UNC45A: variants seen among roughly 807,000 people sequenced by gnomAD.
The protein encoded by UNC45A is unc-45 myosin chaperone A, also known as protein unc-45 homolog A.
A neutral mutation model predicts 103.2 loss-of-function variants in UNC45A; 78 were observed. That is an observed-to-expected ratio of 0.76 (90% confidence interval 0.63 to 0.91). UNC45A has a LOEUF of 0.91. Ranked by LOEUF, UNC45A falls within the 40% of genes least tolerant of loss-of-function variation. UNC45A has a pLI of 0.00. For missense variants in UNC45A, 1,193 were observed against 1,224.8 expected (o/e 0.97, Z 0.39); for synonymous variants, 495 against 504.6 (o/e 0.98, Z 0.25).
chr15:90,942,828 T>G, intron 7 of UNC45A, 84 bp from the exon 8 acceptor site: 1 of 1,529,334 alleles, frequency 6.5e-7, no homozygotes. Flanking sequence ...CTTCCCTGTG[T>G]CTCCCTGGTT....
chr15:90,948,148 G>T lies in UNC45A; in HGVS notation c.1602G>T (p.Leu534=), dbSNP rs141839685. The change falls in exon 12 of 20, where the codon CTG becomes CTT. Residue 534 remains leucine (L), a synonymous_variant. Coordinates refer to ENST00000418476, the MANE Select transcript of UNC45A (RefSeq NM_018671.5). ...LKLAKQCRKW[L]CNDQIDAGTR... ...CTATCCTGCGTGTCCCCAGGTGGCT[G>T]TGCAATGACCAGATCGACGCAGGCA... is the stretch of plus-strand genomic sequence containing the variant. 28 of 1,614,066 alleles carry T rather than the reference G, an allele frequency of 1.7e-5. 1 individual carries two copies. The African/African-American group carries it at 2.9e-4, about 17-fold the overall frequency.
rs556596198 is a variant in UNC45A, at chr15:90,950,240, C to G, written c.2160C>G (p.Asn720Lys). The change falls in exon 16 of 20, where the codon AAC (asparagine) becomes AAG (lysine). Residue 720 changes from asparagine (N) to lysine (K), a missense_variant. Transcript: ENST00000418476. Reference protein sequence around the residue: ...QALAKLTITSNPEMTFPGERI... With the variant: ...QALAKLTITSKPEMTFPGERI... ...TTGCCAAGCTCACCATCACCTCCAA[C>G]CCGGAGATGACCTTCCCTGGCGAGC... is the stretch of plus-strand genomic sequence containing the variant. 3.5e-4 allele frequency: 539 copies of G among 1,551,754 alleles called. 4 individuals carry two copies. The highest frequency in any genetic ancestry group is 4.1e-5 in the Non-Finnish European group (47 of 1,146,998).
In UNC45A at chr15:90,936,384, G is replaced by C. The variant is rs771865134; in HGVS notation, c.350G>C (p.Arg117Thr). 2.5e-6 allele frequency: 4 copies of C among 1,614,248 alleles called. No homozygotes were observed. The Admixed American group carries it at 5.0e-5, about 20-fold the overall frequency. Reference sequence around the variant, plus strand: ...GACCAGGCTGTCCTTGACCTGCAGAGATGTGTGAGCTTGGAGCCCAAGAAC... The same window carrying C: ...GACCAGGCTGTCCTTGACCTGCAGACATGTGTGAGCTTGGAGCCCAAGAAC... ...RLDQAVLDLQRCVSLEPKNKV... is the reference protein window; with the variant it reads ...RLDQAVLDLQTCVSLEPKNKV... Residue 117 changes from arginine (R) to threonine (T), a missense_variant, in exon 4 of 20, where the codon AGA becomes ACA. Physicochemically the swap from Arg to Thr is moderately conservative, Grantham distance 71. Coordinates refer to ENST00000418476, the MANE Select transcript of UNC45A (RefSeq NM_018671.5).
At chr15:90,950,036 G>C (rs2036807032) in intron 15 of UNC45A, 118 bp from the exon 16 acceptor site, 6 of 931,178 alleles carry the variant, frequency 6.4e-6, no homozygotes, top group Non-Finnish European at 9.8e-6. Flanking sequence ...GTCTGCACAG[G>C]GAGTCAAGCC....
At chr15:90,951,019 T>C (rs8024249) in intron 17 of UNC45A, among the ~76,000 whole-genome samples, 77,917 of 152,118 alleles carry the variant, frequency 0.51, 23,439 homozygotes, top group East Asian at 0.99. Flanking sequence ...AGTTTTTTTT[T>C]TTCTTTGAGA....
At chr15:90,931,225 C>G (rs1279690736), upstream of UNC45A, 1 of 1,546,532 alleles carries the variant, frequency 6.5e-7, no homozygotes. Flanking sequence ...TGAATCCTGT[C>G]CGGCCTGAAC....
upstream of UNC45A, chr15:90,931,584 C>G (rs1443701434): frequency 1.2e-6 from 2 of 1,614,080 alleles, no homozygotes; most frequent in South Asian, 1.1e-5. Flanking sequence ...AAAGAGTGGT[C>G]CAGTAGGATT....
chr15:90,947,139 C>A, intron 10 of UNC45A: 1 of 563,576 alleles, frequency 1.8e-6, no homozygotes, highest in Non-Finnish European at 3.2e-6. Context: ...TGGTGAGTCA[C>A]GCATGTCACT....
chr15:90,931,780 A>T (rs772475217), upstream of UNC45A: 3 of 1,613,988 alleles, frequency 1.9e-6, no homozygotes, highest in African/African-American at 2.7e-5. Context: ...CCCCGGGGCT[A>T]CTGTGGGGCG....
In UNC45A at chr15:90,935,435, CCTT is replaced by C. The variant is rs368457726; in HGVS notation, c.51+63_51+65del. 23 of 1,579,762 alleles carry C rather than the reference CCTT, an allele frequency of 1.5e-5. 1 individual carries two copies. In the African/African-American group the frequency reaches 2.3e-4, roughly 16 times the overall value. On this transcript the variant is annotated intron_variant, in intron 1 of 19. Transcript: ENST00000418476. ...CACCCGCCCTGACCATCCCTGGCCT[CCTT>C]CTCCCCATCCATGAGGCTCGCCCCG...
upstream of UNC45A, chr15:90,931,010 A>T: frequency 2.2e-6 from 1 of 447,516 alleles, no homozygotes; most frequent in Non-Finnish European, 4.1e-6. Context: ...CAGAGATCCC[A>T]CCATGCAAAA....
Position 90,947,880 on chromosome 15 carries a change from C to T in UNC45A, c.1585C>T (p.Gln529Ter), listed in dbSNP as rs1457388137. 13 of 1,613,648 alleles carry T rather than the reference C, an allele frequency of 8.1e-6. No homozygotes were observed. The highest frequency in any genetic ancestry group is 1.0e-5 in the Non-Finnish European group (12 of 1,179,796). ...AEGSTLKLAK[Q>*]CRKWLCNDQI... ...AGGCTCCACTCTCAAACTGGCTAAGCAGTGTCGAAAGTGAGTCATCTGGCC... is the reference window on the plus strand; with the variant it reads ...AGGCTCCACTCTCAAACTGGCTAAGTAGTGTCGAAAGTGAGTCATCTGGCC... The change falls in exon 11 of 20, where the codon CAG becomes TAG. Residue 529 changes from glutamine (Q) to a stop codon, truncating the protein, a stop_gained. Coordinates refer to ENST00000418476, the MANE Select transcript of UNC45A (RefSeq NM_018671.5). LOFTEE classifies it high-confidence loss of function.
Position 90,946,772 on chromosome 15 carries a change from A to G in UNC45A, c.1358A>G (p.Glu453Gly), listed in dbSNP as rs1209026117. 1.2e-6 allele frequency: 2 copies of G among 1,613,980 alleles called. No individual in the cohort carries two copies. The highest frequency in any genetic ancestry group is 1.7e-6 in the Non-Finnish European group (2 of 1,180,034). ...IALCASEQEE[E>G]QLVAVEALIH... Reference sequence around the variant, plus strand: ...CTGTGTGCCTCTGAGCAGGAGGAGGAGCAGCTGGTGGCCGTGGAGGCTCTG... The same window carrying G: ...CTGTGTGCCTCTGAGCAGGAGGAGGGGCAGCTGGTGGCCGTGGAGGCTCTG... Residue 453 changes from glutamate to glycine, a missense_variant, in exon 10 of 20, where the codon GAG (glutamate) becomes GGG (glycine). Transcript: ENST00000418476.
chr15:90,946,707 G>T lies in UNC45A; in HGVS notation c.1293G>T (p.Arg431=), dbSNP rs780820301. The change falls in exon 10 of 20, where the codon CGG becomes CGT. Residue 431 remains arginine, a synonymous_variant. Coordinates refer to ENST00000418476, the MANE Select transcript of UNC45A (RefSeq NM_018671.5). ...AGGGCCCATGTGACGCTGGCAACCG[G>T]GCCTTGGAGCTGAGCGGTGTCATGG... ...LLQGPCDAGN[R]ALELSGVMES... 4 of 1,613,152 alleles carry T rather than the reference G, an allele frequency of 2.5e-6. No homozygotes were observed. The highest frequency in any genetic ancestry group is 4.5e-5 in the East Asian group (2 of 44,890).
upstream of UNC45A, chr15:90,931,955 G>A (rs1378281990): frequency 1.2e-6 from 2 of 1,613,812 alleles, no homozygotes; most frequent in South Asian, 2.2e-5. Context: ...CTGGGGACAA[G>A]TTCCCACTCA....
At chr15:90,945,173 G>A in intron 9 of UNC45A, 110 bp downstream of exon 9, 1 of 1,435,810 alleles carries the variant, frequency 7.0e-7, no homozygotes. Context: ...TAATCTTGGG[G>A]AGGACTAGTT....
At chr15:90,937,479 G>A (rs1235755397) in intron 4 of UNC45A, among the ~76,000 whole-genome samples, 38 of 151,854 alleles carry the variant, frequency 2.5e-4, no homozygotes, top group Admixed American at 2.5e-3. Context: ...TAAATACAAA[G>A]GAAAATAATT....
intron 17 of UNC45A, among the ~76,000 whole-genome samples, chr15:90,951,937 C>A (rs2036937302): frequency 6.6e-6 from 1 of 152,150 alleles, no homozygotes; most frequent in East Asian, 1.9e-4. Context: ...AACACAGAAA[C>A]AAAAACCCTC....
At chr15:90,942,733 C>T (rs769896875) in intron 7 of UNC45A, 128 bp downstream of exon 7, 21 of 1,523,918 alleles carry the variant, frequency 1.4e-5, no homozygotes, top group East Asian at 2.3e-5. Flanking sequence ...GGTTTGGTGA[C>T]ATTATTTTAC....
Sources: allele counts gnomAD v4.1 joint callset (sites outside exome capture counted in the v4.1 genomes callset), GRCh38; gene constraint gnomAD v4.1.1; transcripts MANE v1.5; gene names NCBI Gene and HGNC (gene_info 2026-07-23, HGNC 2026-07-21).